Variants in EML4 observed in about 807,000 individuals in gnomAD.
EML4 encodes echinoderm microtubule-associated protein-like 4.
In EML4, 72 loss-of-function variants were observed where a neutral mutation model predicts 129.0. The observed-to-expected ratio is 0.56, with a 90% CI of 0.46 to 0.68. The LOEUF (loss-of-function observed/expected upper bound fraction) is 0.68. Among genes scored for constraint, EML4 ranks in the 30% least tolerant of loss-of-function variants. EML4 has a pLI of 0.00. For missense variants in EML4, 1,363 were observed against 1,190.6 expected (o/e 1.14, Z -2.13); for synonymous variants, 532 against 405.0 (o/e 1.31, Z -3.77).
chr2:42,174,511 A>T (rs1400108216), intron 1 of EML4, among the ~76,000 whole-genome samples: 1 of 151,962 alleles, frequency 6.6e-6, no homozygotes, highest in East Asian at 1.9e-4. Flanking sequence ...GGCTGGTCTC[A>T]AACCCCTGAC....
rs1461457659 is a variant in EML4, at chr2:42,331,353, C to G, written c.*1146C>G. ...TGGAGTTGCTGTAAGTCTTGTAAGT[C>G]TAATGTGGCTATCCTACTCTTTTGG... On this transcript the variant is annotated 3_prime_UTR_variant, in exon 23 of 23. Coordinates refer to ENST00000318522, the MANE Select transcript of EML4 (RefSeq NM_019063.5). 6 of 224,328 alleles carry G rather than the reference C, an allele frequency of 2.7e-5. No individual in the cohort carries two copies. Among genetic ancestry groups the G allele is most frequent in the Non-Finnish European group, 4.4e-5 (5 of 112,364 alleles). The allele number at this position is 224,328 out of a possible 1,614,324, so 13.9% of individuals were successfully genotyped here.
chr2:42,295,725 T>TA (rs1667908915), intron 13 of EML4, among the ~76,000 whole-genome samples: 1 of 152,228 alleles, frequency 6.6e-6, no homozygotes, highest in Admixed American at 6.5e-5. Context: ...CACATTTGAC[T>TA]ATACTGAACC....
chr2:42,235,261 A>C (rs1217242192), intron 1 of EML4, among the ~76,000 whole-genome samples: 2 of 151,098 alleles, frequency 1.3e-5, no homozygotes, highest in Admixed American at 1.3e-4. Context: ...GCACCACCGC[A>C]CTCAGTCTGG....
intron 1 of EML4, among the ~76,000 whole-genome samples, chr2:42,217,338 A>C (rs1673261585): frequency 6.6e-6 from 1 of 152,024 alleles, no homozygotes; most frequent in Admixed American, 6.6e-5. Context: ...TTTTTTTTTC[A>C]GAGAAAGCAA....
intron 19 of EML4, among the ~76,000 whole-genome samples, chr2:42,323,220 T>G (rs1669611358): frequency 2.0e-5 from 3 of 152,148 alleles, no homozygotes; most frequent in Admixed American, 2.0e-4. Flanking sequence ...CGTAGCAAGT[T>G]TTAATTTCAG....
chr2:42,230,008 A>G (rs949197215), intron 1 of EML4, among the ~76,000 whole-genome samples: 1 of 152,078 alleles, frequency 6.6e-6, no homozygotes, highest in African/African-American at 2.4e-5. Context: ...CTATCATGCA[A>G]TTATTGGCTA....
chr2:42,236,965 G>A (rs1363828288), intron 1 of EML4, among the ~76,000 whole-genome samples: 1 of 152,138 alleles, frequency 6.6e-6, no homozygotes, highest in Non-Finnish European at 1.5e-5. Flanking sequence ...CCTTTTCTAT[G>A]AGGTGTTTAG....
chr2:42,270,335 G>T (rs1433125569), intron 6 of EML4, among the ~76,000 whole-genome samples: 1 of 152,132 alleles, frequency 6.6e-6, no homozygotes, highest in Non-Finnish European at 1.5e-5. Context: ...AAGGTGGGTG[G>T]ATTGCTTGAG....
chr2:42,215,106 T>A (rs748585959), intron 1 of EML4, among the ~76,000 whole-genome samples: 19 of 152,112 alleles, frequency 1.2e-4, no homozygotes, highest in Non-Finnish European at 2.4e-4. Context: ...GTCACCCAGG[T>A]TGGAATGCAG....
intron 1 of EML4, among the ~76,000 whole-genome samples, chr2:42,208,942 TAC>T (rs1459588814): frequency 6.6e-6 from 1 of 152,170 alleles, no homozygotes; most frequent in Non-Finnish European, 1.5e-5. Flanking sequence ...CCATCCCATT[TAC>T]AGTCTCTTTC....
intron 2 of EML4, among the ~76,000 whole-genome samples, chr2:42,252,626 A>G (rs1332251008): frequency 6.6e-6 from 1 of 152,150 alleles, no homozygotes; most frequent in East Asian, 1.9e-4. Flanking sequence ...TGGCCACATC[A>G]AGGAGCTTTT....
At chr2:42,276,216 C>A (rs35100043) in intron 6 of EML4, among the ~76,000 whole-genome samples, 1 of 151,896 alleles carries the variant, frequency 6.6e-6, no homozygotes, top group Non-Finnish European at 1.5e-5. Flanking sequence ...TATGATGTTT[C>A]CCCTTTTTTG....
chr2:42,324,395 C>T (rs566811390), intron 19 of EML4, among the ~76,000 whole-genome samples: 37 of 152,340 alleles, frequency 2.4e-4, no homozygotes, highest in African/African-American at 8.2e-4. Flanking sequence ...GCTGGAGGAT[C>T]GCTTGAGCCT....
chr2:42,244,619 A>G (rs541977442), intron 1 of EML4, among the ~76,000 whole-genome samples: 2 of 152,260 alleles, frequency 1.3e-5, no homozygotes, highest in African/African-American at 2.4e-5. Flanking sequence ...AGGTGGAGAG[A>G]AGGAGCAGCA....
chr2:42,329,694 T>G, intron 22 of EML4, 40 bp from the exon 23 acceptor site: 245 of 1,540,082 alleles, frequency 1.6e-4, no homozygotes, highest in Non-Finnish European at 2.0e-4. Context: ...ATGTCAAGAA[T>G]GAGTTTAATT....
At chr2:42,205,060 C>G (rs13001777) in intron 1 of EML4, among the ~76,000 whole-genome samples, 34,152 of 152,000 alleles carry the variant, frequency 0.22, 4,647 homozygotes, top group East Asian at 0.56. Context: ...GATTCGAGGT[C>G]TTTTTGTATA....
At chr2:42,319,025 T>A (rs559089800) in intron 19 of EML4, among the ~76,000 whole-genome samples, 17 of 151,908 alleles carry the variant, frequency 1.1e-4, no homozygotes, top group African/African-American at 3.9e-4. Context: ...TCAACCTTTT[T>A]TAAAAAAAAA....
chr2:42,329,157 C>A (rs1177107753), intron 22 of EML4, 141 bp downstream of exon 22: 10 of 743,146 alleles, frequency 1.3e-5, no homozygotes, highest in Admixed American at 1.3e-4. Context: ...CATCGGTGAG[C>A]ATCCATCCAG....
intron 17 of EML4, among the ~76,000 whole-genome samples, chr2:42,310,948 C>A (rs1054839747): frequency 2.0e-5 from 3 of 152,064 alleles, no homozygotes; most frequent in Non-Finnish European, 4.4e-5. Context: ...AGTTGTATAT[C>A]TTTAATAACA....
Sources: allele counts gnomAD v4.1 joint callset (sites outside exome capture counted in the v4.1 genomes callset), GRCh38; gene constraint gnomAD v4.1.1; transcripts MANE v1.5; gene names NCBI Gene and HGNC (gene_info 2026-07-23, HGNC 2026-07-21).